Variants in DNAJC5B observed in about 807,000 individuals in gnomAD.
The protein encoded by DNAJC5B is dnaJ homolog subfamily C member 5B.
A neutral mutation model predicts 24.7 loss-of-function variants in DNAJC5B; 23 were observed. The observed-to-expected ratio is 0.93, with a 90% CI of 0.67 to 1.32. The LOEUF is 1.32. Ranked by LOEUF, DNAJC5B falls within the 40% of genes most tolerant of loss-of-function variation. The probability of loss-of-function intolerance (pLI) is 0.00; values close to 1 mark genes in which losing one functional copy is unlikely to be tolerated. For missense variants in DNAJC5B, 238 were observed against 240.8 expected (o/e 0.99, Z 0.08); for synonymous variants, 101 against 90.1 (o/e 1.12, Z -0.68).
intron 3 of DNAJC5B, among the ~76,000 whole-genome samples, chr8:66,053,454 T>A (rs1334594005): frequency 3.3e-5 from 5 of 152,234 alleles, no homozygotes; most frequent in Non-Finnish European, 5.9e-5. Context: ...AGTACAAAAT[T>A]AATTTGCTTA....
intron 1 of DNAJC5B, among the ~76,000 whole-genome samples, chr8:66,033,929 G>T (rs894402457): frequency 7.9e-5 from 12 of 152,092 alleles, no homozygotes; most frequent in African/African-American, 2.9e-4. Flanking sequence ...GGATACGAAG[G>T]TCTCACTGGT....
intron 1 of DNAJC5B, among the ~76,000 whole-genome samples, chr8:66,033,471 C>T (rs1283610945): frequency 6.6e-6 from 1 of 152,212 alleles, no homozygotes; most frequent in African/African-American, 2.4e-5. Context: ...TACAGAGAAT[C>T]ATCTCATCCA....
At chr8:66,092,293 C>T (rs1050928428) in intron 5 of DNAJC5B, among the ~76,000 whole-genome samples, 1 of 152,124 alleles carries the variant, frequency 6.6e-6, no homozygotes, top group South Asian at 2.1e-4. Flanking sequence ...TGCAAATTCA[C>T]GCAGCACAAC....
intron 1 of DNAJC5B, among the ~76,000 whole-genome samples, chr8:66,038,151 T>C (rs1213305331): frequency 6.6e-6 from 1 of 152,196 alleles, no homozygotes; most frequent in African/African-American, 2.4e-5. Context: ...AGTTCCAGAT[T>C]TGTGACCCTC....
At chr8:66,024,676 G>C (rs1261801697) in intron 1 of DNAJC5B, among the ~76,000 whole-genome samples, 75 of 58,582 alleles carry the variant, frequency 1.3e-3, no homozygotes, top group Middle Eastern at 6.3e-3. Flanking sequence ...AATATGCGGT[G>C]TTTGGTTTTT....
intron 1 of DNAJC5B, among the ~76,000 whole-genome samples, chr8:66,022,478 C>T (rs1214796613): frequency 4.6e-5 from 7 of 152,286 alleles, no homozygotes; most frequent in South Asian, 4.1e-4. Flanking sequence ...CAGGCAGGCA[C>T]GCTGAGCTCT....
chr8:66,020,451 T>C (rs1806081648), upstream of DNAJC5B, among the ~76,000 whole-genome samples: 1 of 152,172 alleles, frequency 6.6e-6, no homozygotes. Context: ...CTTTTTAGTA[T>C]CATATGGGGT....
intron 3 of DNAJC5B, among the ~76,000 whole-genome samples, chr8:66,062,756 G>A (rs140888272): frequency 0.011 from 1,722 of 152,344 alleles, 28 homozygotes; most frequent in African/African-American, 0.038. Context: ...GAGCCCAGGA[G>A]TTTGAGGCTG....
intron 3 of DNAJC5B, among the ~76,000 whole-genome samples, chr8:66,053,043 G>A (rs1806885630): frequency 6.6e-6 from 1 of 152,118 alleles, no homozygotes; most frequent in Non-Finnish European, 1.5e-5. Context: ...AGCCTCCTGA[G>A]TAGCTAGGAC....
At chr8:66,019,092 C>T (rs1806039430), upstream of DNAJC5B, among the ~76,000 whole-genome samples, 1 of 152,150 alleles carries the variant, frequency 6.6e-6, no homozygotes, top group Non-Finnish European at 1.5e-5. Flanking sequence ...TAACCCACAC[C>T]TCCACAGAAT....
At chr8:66,027,789 ATAC>A (rs1806278663) in intron 1 of DNAJC5B, among the ~76,000 whole-genome samples, 1 of 152,186 alleles carries the variant, frequency 6.6e-6, no homozygotes, top group Non-Finnish European at 1.5e-5. Context: ...ATCTCCTCTC[ATAC>A]TATGTCCTTT....
intron 5 of DNAJC5B, among the ~76,000 whole-genome samples, chr8:66,090,395 T>G (rs765192008): frequency 1.3e-5 from 2 of 151,798 alleles, no homozygotes; most frequent in Non-Finnish European, 1.5e-5. Context: ...TCAGTTTGGT[T>G]TTTCCAAGCT....
At chr8:66,020,594 C>CTGTGTGTGTG (rs10526018), upstream of DNAJC5B, among the ~76,000 whole-genome samples, 31 of 132,460 alleles carry the variant, frequency 2.3e-4, no homozygotes, top group Non-Finnish European at 3.1e-4. Context: ...AATCAATACT[C>CTGTGTGTGTG]TGTGTGTGTG....
At chr8:66,015,954 A>G in the DNAJC5B span, among the ~76,000 whole-genome samples, 3 of 152,112 alleles carry the variant, frequency 2.0e-5, no homozygotes, top group Non-Finnish European at 4.4e-5. Flanking sequence ...GAGATTGGAG[A>G]CTGTCTTGGT....
intron 1 of DNAJC5B, among the ~76,000 whole-genome samples, chr8:66,026,636 G>T (rs947427763): frequency 5.3e-5 from 8 of 152,240 alleles, no homozygotes; most frequent in African/African-American, 1.9e-4. Context: ...ACTCTCCCAA[G>T]AATTGTGCAA....
At chr8:66,068,089 A>G (rs1269453221) in intron 3 of DNAJC5B, among the ~76,000 whole-genome samples, 2 of 152,214 alleles carry the variant, frequency 1.3e-5, no homozygotes, top group East Asian at 3.8e-4. Context: ...GAAAATAGGA[A>G]ATAAAAACAC....
intron 5 of DNAJC5B, among the ~76,000 whole-genome samples, chr8:66,095,588 T>C (rs1807933555): frequency 1.3e-5 from 2 of 151,850 alleles, no homozygotes; most frequent in Non-Finnish European, 1.5e-5. Flanking sequence ...TTTTCAGCCC[T>C]TCCTCTGTTC....
At chr8:66,062,488 A>ATG (rs1231811842) in intron 3 of DNAJC5B, among the ~76,000 whole-genome samples, 1 of 152,244 alleles carries the variant, frequency 6.6e-6, no homozygotes, top group African/African-American at 2.4e-5. Context: ...TTGTAACATA[A>ATG]ACATTGGTTT....
chr8:66,080,557 G>A lies in DNAJC5B; in HGVS notation c.505+9G>A, dbSNP rs1488493693. The A allele has an allele frequency of 6.3e-7, 1 of 1,594,728 alleles. No individual in the cohort carries two copies. The highest frequency in any genetic ancestry group is 1.1e-5 in the South Asian group (1 of 87,906). On this transcript the variant is annotated intron_variant, in intron 5 of 5. Transcript: ENST00000276570. ...GTCTGACATGGAAAAAGGTGGGGTAGGATGAGAGCAGAGGTAGTGAGTGTC... is the reference window on the plus strand; with the variant it reads ...GTCTGACATGGAAAAAGGTGGGGTAAGATGAGAGCAGAGGTAGTGAGTGTC...
Sources: gnomAD v4.1 joint callset for allele counts (sites outside exome capture counted in the v4.1 genomes callset) on GRCh38, gnomAD v4.1.1 for gene constraint, MANE v1.5 for transcripts, NCBI Gene and HGNC (gene_info 2026-07-23, HGNC 2026-07-21) for gene names.